Variants in INPP5D observed in about 807,000 individuals in gnomAD.
INPP5D encodes the protein inositol polyphosphate-5-phosphatase D.
INPP5D carries 33 observed loss-of-function variants against 122.9 expected under a neutral mutation model. The ratio of observed to expected loss-of-function variants is 0.27; its 90% CI spans 0.20 to 0.36. INPP5D has a LOEUF of 0.36. Among genes scored for constraint, INPP5D ranks in the 10% least tolerant of loss-of-function variants. INPP5D has a pLI of 1.00. For missense variants in INPP5D, 1,053 were observed against 1,412.7 expected (o/e 0.75, Z 4.08); for synonymous variants, 584 against 576.2 (o/e 1.01, Z -0.19).
chr2:233,167,611 G>T (rs959325287), intron 13 of INPP5D, among the ~76,000 whole-genome samples: 1 of 152,206 alleles, frequency 6.6e-6, no homozygotes, highest in Non-Finnish European at 1.5e-5. Context: ...GGGCTGGAGG[G>T]CAGAAAGCCT....
Position 233,079,408 on chromosome 2 carries a change from T to C in INPP5D, c.198+10T>C, listed in dbSNP as rs371365084. 7.7e-6 allele frequency: 12 copies of C among 1,553,028 alleles called. No individual in the cohort carries two copies. The highest frequency in any genetic ancestry group is 1.1e-5 in the Non-Finnish European group (12 of 1,124,674). ...TAAATTCACTGTTCAGGTGAGTCCT[T>C]TATAAACCTAGAAATCTGAACCTGA... On this transcript the variant is annotated intron_variant, in intron 2 of 26. Transcript: ENST00000445964.
At chr2:233,163,572 A>G in intron 11 of INPP5D, 135 bp from the exon 12 acceptor site, 1 of 1,491,832 alleles carries the variant, frequency 6.7e-7, no homozygotes, top group South Asian at 1.3e-5. Context: ...CATTGCAGGC[A>G]TTTCTTTGGG....
chr2:233,098,936 TTTTA>T (rs57540040), intron 2 of INPP5D, among the ~76,000 whole-genome samples: 22,101 of 145,960 alleles, frequency 0.15, 1,820 homozygotes, highest in East Asian at 0.35. Flanking sequence ...GGAACTTTAT[TTTTA>T]TTTATTTATT....
chr2:233,195,594 C>T (rs1695163323), intron 24 of INPP5D, 99 bp downstream of exon 24: 8 of 1,560,568 alleles, frequency 5.1e-6, no homozygotes, highest in Admixed American at 1.8e-5. Context: ...CGCCCATAAT[C>T]CCGGCACTTT....
chr2:233,136,265 G>A (rs1345446947), intron 5 of INPP5D, among the ~76,000 whole-genome samples: 1 of 152,204 alleles, frequency 6.6e-6, no homozygotes, highest in Non-Finnish European at 1.5e-5. Context: ...ATCACTTGAG[G>A]TCAGGAGTTC....
chr2:233,126,005 G>A (rs1354594605), intron 4 of INPP5D, 86 bp downstream of exon 4: 1 of 1,328,884 alleles, frequency 7.5e-7, no homozygotes, highest in Non-Finnish European at 1.0e-6. Context: ...TTCGATCCTA[G>A]TTATGGGCCT....
chr2:233,146,541 G>C, intron 8 of INPP5D, 103 bp downstream of exon 8: 1 of 694,496 alleles, frequency 1.4e-6, no homozygotes, highest in South Asian at 1.5e-5. Context: ...TTTAGCTGGG[G>C]AAGAGCAGGG....
At chr2:233,141,260 A>G (rs1204737916) in intron 6 of INPP5D, 1 of 152,216 alleles carries the variant, frequency 6.6e-6, no homozygotes, top group East Asian at 1.9e-4. Flanking sequence ...AGTAACAGAA[A>G]AAAACATTGA....
intron 2 of INPP5D, among the ~76,000 whole-genome samples, chr2:233,103,319 A>G: frequency 6.6e-6 from 1 of 152,238 alleles, no homozygotes; most frequent in African/African-American, 2.4e-5. Flanking sequence ...GCTGGGTCAT[A>G]GCATATGCTC....
At position 233,078,637 on chromosome 2, in the gene INPP5D, G is replaced by A. The variant is rs74645168; in HGVS notation, c.135-698G>A. Among the ~76,000 whole-genome samples the A allele has an allele frequency of 0.064, 9,812 of 152,202 alleles. 647 individuals carry two copies. Among genetic ancestry groups the A allele is most frequent in the East Asian group, 0.27 (1,381 of 5,160 alleles). ...GGCCGCTCTGCTTGGGCCCACTGGAGTCGTGTTTCTTCTTCAAACACCCCC... is the reference window on the plus strand; with the variant it reads ...GGCCGCTCTGCTTGGGCCCACTGGAATCGTGTTTCTTCTTCAAACACCCCC... On this transcript the variant is annotated intron_variant, in intron 1 of 26. Transcript: ENST00000445964. This position sits in a 1 kb window ranked among gnomAD's most constrained non-coding sequence, Gnocchi z 4.6.
rs187849134 is a variant in INPP5D at position 233,175,597 on chromosome 2, T to C, written c.1990-1668T>C. Among the ~76,000 whole-genome samples the C allele has an allele frequency of 4.6e-5, 7 of 152,282 alleles. No individual in the cohort carries two copies. The East Asian group carries it at 9.6e-4, about 21-fold the overall frequency. On this transcript the variant is annotated intron_variant, in intron 17 of 26. Coordinates refer to ENST00000445964, the MANE Select transcript of INPP5D (RefSeq NM_001017915.3). ...AAAAATGCATGGGACTGTACACTTA[T>C]GGTTAGTACACTTTATGTAAGTTGT...
At chr2:233,096,866 T>A (rs890526362) in intron 2 of INPP5D, among the ~76,000 whole-genome samples, 4 of 152,222 alleles carry the variant, frequency 2.6e-5, no homozygotes, top group Non-Finnish European at 4.4e-5. Context: ...TTGTTTATGG[T>A]GCGTTTTGTC....
In INPP5D at chr2:233,114,319, T is replaced by C. The variant is rs527905629; in HGVS notation, c.199-7788T>C. On this transcript the variant is annotated intron_variant, in intron 2 of 26. Coordinates refer to ENST00000445964, the MANE Select transcript of INPP5D (RefSeq NM_001017915.3). Reference sequence around the variant, plus strand: ...CCACTTCTTCACCCACGTGGGGCCCTATGATTCTTAAATTTGGGGGAGAGG... The same window carrying C: ...CCACTTCTTCACCCACGTGGGGCCCCATGATTCTTAAATTTGGGGGAGAGG... 3.3e-5 allele frequency among the ~76,000 whole-genome samples: 5 copies of C among 152,320 alleles called. No homozygotes were observed. The East Asian group carries it at 9.7e-4, about 29-fold the overall frequency.
chr2:233,185,755 C>A, intron 20 of INPP5D, 88 bp from the exon 21 acceptor site: 1 of 1,195,064 alleles, frequency 8.4e-7, no homozygotes, highest in Non-Finnish European at 1.1e-6. Context: ...GCACATCTTC[C>A]TAGGTCTGGG....
intron 2 of INPP5D, among the ~76,000 whole-genome samples, chr2:233,113,562 G>C (rs551016064): frequency 6.6e-6 from 1 of 152,216 alleles, no homozygotes; most frequent in South Asian, 2.1e-4. Flanking sequence ...ACTGAAGGAG[G>C]CCTCAAAAGC....
intron 2 of INPP5D, among the ~76,000 whole-genome samples, chr2:233,115,326 T>C (rs991149460): frequency 6.6e-6 from 1 of 152,214 alleles, no homozygotes; most frequent in African/African-American, 2.4e-5. Flanking sequence ...TGCCTAGTCC[T>C]GTTTCACGCC....
At chr2:233,124,844 G>A (rs913739436) in intron 3 of INPP5D, among the ~76,000 whole-genome samples, 2 of 152,354 alleles carry the variant, frequency 1.3e-5, no homozygotes, top group East Asian at 1.9e-4. Flanking sequence ...TTGTCGGCTC[G>A]AACCAGAGCA....
In INPP5D at chr2:233,177,475, A is replaced by T. The variant is rs112983666; in HGVS notation, c.2071+129A>T. 2 of 1,467,164 alleles carry T rather than the reference A, an allele frequency of 1.4e-6. No individual in the cohort carries two copies. The highest frequency in any genetic ancestry group is 1.4e-5 in the African/African-American group (1 of 71,822). 90.9% of individuals were successfully genotyped at this position (1,467,164 alleles called of 1,614,324 possible). ...AAAGGGAGGAATTCACTGTAACCCT[A>T]ATCAGGCGACCTGGAAATGTTGATG... On this transcript the variant is annotated intron_variant, in intron 18 of 26. Transcript: ENST00000445964. The surrounding 1 kb of genome is among the most constrained non-coding windows in gnomAD (Gnocchi z 4.2).
At chr2:233,118,640 A>C (rs753437684) in intron 2 of INPP5D, among the ~76,000 whole-genome samples, 27 of 152,214 alleles carry the variant, frequency 1.8e-4, no homozygotes, top group Non-Finnish European at 3.5e-4. Flanking sequence ...CACTGCCTGC[A>C]GGCACAGGGT....
Sources: gnomAD v4.1 joint callset for allele counts (sites outside exome capture counted in the v4.1 genomes callset) on GRCh38, gnomAD v4.1.1 for gene constraint, Gnocchi (gnomAD v3.1) non-coding constraint, MANE v1.5 for transcripts, NCBI Gene and HGNC (gene_info 2026-07-23, HGNC 2026-07-21) for gene names.